The following DCPS variants were observed in gnomAD, a reference collection of about 807,000 sequenced individuals.
DCPS encodes the protein m7GpppX diphosphatase.
Under a neutral mutation model 34.7 loss-of-function variants are expected in DCPS, and 27 were observed. That is an observed-to-expected ratio of 0.78 (90% CI 0.57 to 1.07). The LOEUF (loss-of-function observed/expected upper bound fraction) is 1.07. Ranked by LOEUF, DCPS falls within the 50% of genes least tolerant of loss-of-function variation. The probability of loss-of-function intolerance (pLI) is 0.00; values close to 1 mark genes in which losing one functional copy is unlikely to be tolerated. For synonymous variants in DCPS, 185 were observed against 185.7 expected (o/e 1.00, Z 0.03); for missense variants, 464 against 436.9 (o/e 1.06, Z -0.55).
chr11:126,313,442 A>G lies in DCPS; in HGVS notation c.376+6698A>G, dbSNP rs1951634010. On this transcript the variant is annotated intron_variant, in intron 2 of 5. Coordinates refer to ENST00000263579, the MANE Select transcript of DCPS (RefSeq NM_014026.6). The surrounding 1 kb of genome is among the most constrained non-coding windows in gnomAD (Gnocchi z 4.9). ...GATAGAACAAACTAGAAACAATCAA[A>G]TAACAGTAGAGTAGGTAGATAAACC... 6.6e-6 allele frequency among the ~76,000 whole-genome samples: 1 copy of G among 152,226 alleles called. No individual in the cohort carries two copies. Among genetic ancestry groups the G allele is most frequent in the Admixed American group, 6.5e-5 (1 of 15,284 alleles).
At position 126,333,865 on chromosome 11, in the gene DCPS, TTCTC is replaced by T. The variant is rs112209917; in HGVS notation, c.522+2339_522+2342del. Among the ~76,000 whole-genome samples the T allele has an allele frequency of 1.8e-3, 262 of 149,254 alleles. No homozygotes were observed. Among genetic ancestry groups the T allele is most frequent in the Middle Eastern group, 0.011 (3 of 284 alleles). Reference sequence around the variant, plus strand: ...ACGCTTCAGGGAGTGGAGCTGGGAATTCTCTCTCTCTCTCTCTCTCTCTCTCTGA... The same window carrying T: ...ACGCTTCAGGGAGTGGAGCTGGGAATTCTCTCTCTCTCTCTCTCTCTCTGA... On this transcript the variant is annotated intron_variant, in intron 3 of 5. Coordinates refer to ENST00000263579, the MANE Select transcript of DCPS (RefSeq NM_014026.6). The surrounding 1 kb of genome is among the most constrained non-coding windows in gnomAD (Gnocchi z 5.7).
intron 4 of DCPS, chr11:126,341,215 T>C (rs1162119422): frequency 6.6e-6 from 1 of 152,248 alleles, no homozygotes; most frequent in Non-Finnish European, 1.5e-5. Context: ...GCTCCAGCAA[T>C]TCTCTTTCTT....
rs1202544839 is a variant in DCPS, at chr11:126,313,960, G to C, written c.376+7216G>C. 6.6e-6 allele frequency among the ~76,000 whole-genome samples: 1 copy of C among 152,224 alleles called. No individual in the cohort carries two copies. Among genetic ancestry groups the C allele is most frequent in the African/African-American group, 2.4e-5 (1 of 41,458 alleles). On this transcript the variant is annotated intron_variant, in intron 2 of 5. Transcript: ENST00000263579. The surrounding 1 kb of genome is among the most constrained non-coding windows in gnomAD (Gnocchi z 4.9). ...GATCGTCCCATGAATTTCAAGGGCT[G>C]CATCCTCATTCTGAAGTGTGGTTTT... is the stretch of plus-strand genomic sequence containing the variant.
At chr11:126,305,593 G>T (rs531651557) in intron 1 of DCPS, among the ~76,000 whole-genome samples, 14 of 147,244 alleles carry the variant, frequency 9.5e-5, no homozygotes, top group African/African-American at 3.3e-4. Context: ...GCTAATTTTC[G>T]TATTTTTAGT....
Position 126,331,838 on chromosome 11 carries a change from C to T in DCPS, c.522+288C>T, listed in dbSNP as rs1267299184. ...ATAAGTGGGACCAGAAGGCCTGGGGCGGGCAATTGCCATTTTATATCGCAT... is the reference window on the plus strand; with the variant it reads ...ATAAGTGGGACCAGAAGGCCTGGGGTGGGCAATTGCCATTTTATATCGCAT... On this transcript the variant is annotated intron_variant, in intron 3 of 5. Coordinates refer to ENST00000263579, the MANE Select transcript of DCPS (RefSeq NM_014026.6). This position sits in a 1 kb window ranked among gnomAD's most constrained non-coding sequence, Gnocchi z 7.2. Among the ~76,000 whole-genome samples the T allele has an allele frequency of 1.3e-5, 2 of 152,076 alleles. No individual in the cohort carries two copies. The highest frequency in any genetic ancestry group is 2.4e-5 in the African/African-American group (1 of 41,396).
chr11:126,340,499 T>G (rs1951867906), intron 4 of DCPS, among the ~76,000 whole-genome samples: 1 of 152,184 alleles, frequency 6.6e-6, no homozygotes. Context: ...AATTCTTACT[T>G]GACTTTTGAT....
At chr11:126,340,731 G>T (rs1951868876) in intron 4 of DCPS, among the ~76,000 whole-genome samples, 2 of 152,192 alleles carry the variant, frequency 1.3e-5, no homozygotes, top group Admixed American at 1.3e-4. Context: ...GGTCCTGGAA[G>T]TTACTGTCTC....
intron 5 of DCPS, 131 bp downstream of exon 5, chr11:126,343,548 G>A (rs1159847532): frequency 1.1e-5 from 9 of 795,276 alleles, no homozygotes; most frequent in Admixed American, 6.3e-5. Flanking sequence ...GCCAGTCTTG[G>A]GGACCCCATT....
chr11:126,335,584 T>C lies in DCPS; in HGVS notation c.523-2702T>C, dbSNP rs1438669920. ...AGGAGCCAGATACTCATGGTTGGAA[T>C]TGGCTGACCCAGCGTGAACTTCCTT... On this transcript the variant is annotated intron_variant, in intron 3 of 5. Coordinates refer to ENST00000263579, the MANE Select transcript of DCPS (RefSeq NM_014026.6). The surrounding 1 kb of genome is among the most constrained non-coding windows in gnomAD (Gnocchi z 4.8). 1.3e-5 allele frequency among the ~76,000 whole-genome samples: 2 copies of C among 152,174 alleles called. No individual in the cohort carries two copies. Among genetic ancestry groups the C allele is most frequent in the Non-Finnish European group, 2.9e-5 (2 of 68,030 alleles).
rs1165299619 is a variant in DCPS, at chr11:126,329,324, C to T, written c.377-2081C>T. Among the ~76,000 whole-genome samples the T allele has an allele frequency of 2.6e-5, 4 of 152,214 alleles. No homozygotes were observed. Among genetic ancestry groups the T allele is most frequent in the African/African-American group, 2.4e-5 (1 of 41,454 alleles). ...ATTGGGTGACATTTATTTAGCAACT[C>T]GTGATCCAGCTGACACGTTTTATTG... On this transcript the variant is annotated intron_variant, in intron 2 of 5. Transcript: ENST00000263579. The surrounding 1 kb of genome is among the most constrained non-coding windows in gnomAD (Gnocchi z 5.0).
rs1408276664 is a variant in DCPS, at chr11:126,338,165, G to A, written c.523-121G>A. On this transcript the variant is annotated intron_variant, in intron 3 of 5. Coordinates refer to ENST00000263579, the MANE Select transcript of DCPS (RefSeq NM_014026.6). The surrounding 1 kb of genome is among the most constrained non-coding windows in gnomAD (Gnocchi z 5.4). ...CGGATGTAGATCCTCTGAGCGTGGC[G>A]GCCTTTTATGGCTTGGTTCTGTCTC... The A allele has an allele frequency of 5.5e-5, 46 of 830,186 alleles. No homozygotes were observed. The highest frequency in any genetic ancestry group is 7.6e-5 in the Non-Finnish European group (38 of 503,098). The allele number at this position is 830,186 out of a possible 1,614,324, so 51.4% of individuals were successfully genotyped here. A position where few individuals can be genotyped will look rare whatever the true frequency, so the allele number is the denominator to read the frequency against.
At chr11:126,326,397 G>A (rs1488069417) in intron 2 of DCPS, among the ~76,000 whole-genome samples, 2 of 152,190 alleles carry the variant, frequency 1.3e-5, no homozygotes, top group African/African-American at 4.8e-5. Context: ...GGTCCTTGGG[G>A]GCCACTCCAG....
Position 126,346,603 on chromosome 11 carries a change from C to T in DCPS, c.*990C>T, listed in dbSNP as rs571315198. ...CACACAGGACCAAGGCATCATGCTG[C>T]CAGAGGGGCTGGTGTTTGCCACTTT... On this transcript the variant is annotated 3_prime_UTR_variant, in exon 6 of 6. Transcript: ENST00000263579. The surrounding 1 kb of genome is among the most constrained non-coding windows in gnomAD (Gnocchi z 4.1). Among the ~76,000 whole-genome samples, 1 of 152,338 alleles carries T rather than the reference C, an allele frequency of 6.6e-6. No individual in the cohort carries two copies. Among genetic ancestry groups the T allele is most frequent in the East Asian group, 1.9e-4 (1 of 5,194 alleles).
chr11:126,334,251 G>A lies in DCPS; in HGVS notation c.522+2701G>A, dbSNP rs549280759. 5.3e-5 allele frequency among the ~76,000 whole-genome samples: 8 copies of A among 152,306 alleles called. No homozygotes were observed. The highest frequency in any genetic ancestry group is 1.9e-4 in the African/African-American group (8 of 41,562). On this transcript the variant is annotated intron_variant, in intron 3 of 5. Transcript: ENST00000263579. The surrounding 1 kb of genome is among the most constrained non-coding windows in gnomAD (Gnocchi z 5.5). ...AGTGGGTTTGCATGGAAGACAGTGAGTTCAGTTTGGAATTCATTGAGCACT... is the reference window on the plus strand; with the variant it reads ...AGTGGGTTTGCATGGAAGACAGTGAATTCAGTTTGGAATTCATTGAGCACT...
Position 126,348,292 on chromosome 11 carries a change from C to T in DCPS, c.*2679C>T, listed in dbSNP as rs1250897739. On this transcript the variant is annotated 3_prime_UTR_variant, in exon 6 of 6. Coordinates refer to ENST00000263579, the MANE Select transcript of DCPS (RefSeq NM_014026.6). This position sits in a 1 kb window ranked among gnomAD's most constrained non-coding sequence, Gnocchi z 5.3. Reference sequence around the variant, plus strand: ...CTGCCCACTCTGTGGGGAGGAGCCTCTCTGGGATAGCGTCCCCTCACTCCT... The same window carrying T: ...CTGCCCACTCTGTGGGGAGGAGCCTTTCTGGGATAGCGTCCCCTCACTCCT... Among the ~76,000 whole-genome samples the T allele has an allele frequency of 6.6e-6, 1 of 152,302 alleles. No homozygotes were observed. Among genetic ancestry groups the T allele is most frequent in the East Asian group, 1.9e-4 (1 of 5,164 alleles).
At position 126,319,772 on chromosome 11, in the gene DCPS, C is replaced by A. The variant is rs113943488; in HGVS notation, c.377-11633C>A. Among the ~76,000 whole-genome samples, 3 of 152,226 alleles carry A rather than the reference C, an allele frequency of 2.0e-5. No homozygotes were observed. The highest frequency in any genetic ancestry group is 7.2e-5 in the African/African-American group (3 of 41,528). ...TAGGAACGGCCCGAAAGAGGTTGGG[C>A]CTTTGGGATACGGGAGTATTGCATA... On this transcript the variant is annotated intron_variant, in intron 2 of 5. Transcript: ENST00000263579. The surrounding 1 kb of genome is among the most constrained non-coding windows in gnomAD (Gnocchi z 4.5).
chr11:126,340,326 CT>C (rs113328795), intron 4 of DCPS, among the ~76,000 whole-genome samples: 377 of 145,532 alleles, frequency 2.6e-3, no homozygotes, highest in Middle Eastern at 0.011. Context: ...TTGCTTAATT[CT>C]TTTTTTTTTT....
rs547629624 is a variant in DCPS, at chr11:126,348,329, G to A, written c.*2716G>A. On this transcript the variant is annotated 3_prime_UTR_variant, in exon 6 of 6. Coordinates refer to ENST00000263579, the MANE Select transcript of DCPS (RefSeq NM_014026.6). This position sits in a 1 kb window ranked among gnomAD's most constrained non-coding sequence, Gnocchi z 5.3. ...GTCCCCTCACTCCTCTCCCAGCCTC[G>A]TTTATCTTCACCACAGTACAGAAGG... Among the ~76,000 whole-genome samples the A allele has an allele frequency of 3.2e-4, 48 of 152,242 alleles. No individual in the cohort carries two copies. The highest frequency in any genetic ancestry group is 8.5e-4 in the Admixed American group (13 of 15,290).
chr11:126,316,213 C>G (rs953946763), intron 2 of DCPS, among the ~76,000 whole-genome samples: 2 of 152,042 alleles, frequency 1.3e-5, no homozygotes, highest in Non-Finnish European at 2.9e-5. Flanking sequence ...TTGAAATTAT[C>G]CAGTGTGATA....
Sources: allele counts gnomAD v4.1 joint callset (sites outside exome capture counted in the v4.1 genomes callset), GRCh38; gene constraint gnomAD v4.1.1; non-coding constraint Gnocchi (gnomAD v3.1); transcripts MANE v1.5; gene names NCBI Gene and HGNC (gene_info 2026-07-23, HGNC 2026-07-21).